Variants in TMCO5A observed in about 807,000 individuals in gnomAD.
The protein encoded by TMCO5A is transmembrane and coiled-coil domain-containing protein 5A.
In TMCO5A, 34 loss-of-function variants were observed where a neutral mutation model predicts 42.3. The ratio of observed to expected loss-of-function variants is 0.80; its 90% CI spans 0.61 to 1.07. TMCO5A has a LOEUF of 1.07. TMCO5A is among the 50% of genes least tolerant of loss of function. The pLI, the probability that TMCO5A is intolerant of heterozygous loss-of-function variation, is 0.00. For missense variants in TMCO5A, 357 were observed against 327.9 expected, an observed-to-expected ratio of 1.09 and a Z score of -0.69; for synonymous variants, 131 against 115.6, an observed-to-expected ratio of 1.13 and a Z score of -0.86.
the TMCO5A span, among the ~76,000 whole-genome samples, chr15:37,991,979 A>C: frequency 6.6e-6 from 1 of 152,220 alleles, no homozygotes; most frequent in Non-Finnish European, 1.5e-5. Context: ...CTCCAAAAGC[A>C]ATTGCAGCAA....
Position 37,936,348 on chromosome 15 carries a change from T to C in TMCO5A, c.25T>C (p.Ser9Pro). 1 of 1,612,486 alleles carries C rather than the reference T, an allele frequency of 6.2e-7. No individual in the cohort carries two copies. The highest frequency in any genetic ancestry group is 8.5e-7 in the Non-Finnish European group (1 of 1,179,250). ...AATGGAAATCTCAAGATTGGCTCAGTCAAAAAGAAACATTATCAGTTTGAA... is the reference window on the plus strand; with the variant it reads ...AATGGAAATCTCAAGATTGGCTCAGCCAAAAAGAAACATTATCAGTTTGAA... MEISRLAQ[S>P]KRNIISLNMD... is the part of the protein sequence containing the mutation. Residue 9 changes from serine to proline, a missense_variant, in exon 3 of 12, where the codon TCA becomes CCA. Physicochemically the swap from Ser to Pro is moderately conservative, Grantham distance 74 (BLOSUM62 -1). Transcript: ENST00000319669.
At chr15:37,942,140 A>G (rs1213137793) in intron 8 of TMCO5A, 51 bp from the exon 9 acceptor site, 2 of 1,554,542 alleles carry the variant, frequency 1.3e-6, no homozygotes. Flanking sequence ...GCTTAGAAAA[A>G]TTGTAAACCT....
the TMCO5A span, among the ~76,000 whole-genome samples, chr15:38,004,274 T>C: frequency 6.6e-6 from 1 of 151,844 alleles, no homozygotes; most frequent in African/African-American, 2.4e-5. Context: ...TGAGTGGATA[T>C]CCAAGTTCCA....
chr15:38,031,062 T>C, the TMCO5A span, among the ~76,000 whole-genome samples: 26,353 of 152,076 alleles, frequency 0.17, 2,569 homozygotes, highest in Middle Eastern at 0.28. Flanking sequence ...ATATCAAAGC[T>C]CCACCATAAA....
chr15:38,017,056 A>G, the TMCO5A span, among the ~76,000 whole-genome samples: 3 of 152,126 alleles, frequency 2.0e-5, no homozygotes, highest in African/African-American at 7.2e-5. Flanking sequence ...TCTTCCACTG[A>G]AGATAGTGGA....
At chr15:37,990,025 A>C in the TMCO5A span, among the ~76,000 whole-genome samples, 4 of 152,098 alleles carry the variant, frequency 2.6e-5, no homozygotes, top group African/African-American at 9.7e-5. Flanking sequence ...AAATCTATTG[A>C]GACTTAATTT....
At chr15:37,946,698 GC>G (rs1889974220) in intron 10 of TMCO5A, among the ~76,000 whole-genome samples, 1 of 152,038 alleles carries the variant, frequency 6.6e-6, no homozygotes, top group South Asian at 2.1e-4. Flanking sequence ...TGTGACTTCT[GC>G]ACATTGAATT....
At chr15:37,950,138 C>T (rs947112452) in intron 11 of TMCO5A, among the ~76,000 whole-genome samples, 1 of 152,182 alleles carries the variant, frequency 6.6e-6, no homozygotes, top group African/African-American at 2.4e-5. Context: ...GTGACTTTCA[C>T]CATATTCCAT....
the TMCO5A span, among the ~76,000 whole-genome samples, chr15:37,978,405 G>A: frequency 6.6e-6 from 1 of 152,350 alleles, no homozygotes; most frequent in Non-Finnish European, 1.5e-5. Flanking sequence ...CAGTGGGAAT[G>A]CGCAGTCAGG....
chr15:37,992,696 G>A, the TMCO5A span, among the ~76,000 whole-genome samples: 5 of 152,228 alleles, frequency 3.3e-5, no homozygotes, highest in African/African-American at 1.2e-4. Context: ...GTTCTTTGAA[G>A]GAACATGGAT....
chr15:38,004,783 C>T, the TMCO5A span: 2 of 152,220 alleles, frequency 1.3e-5, no homozygotes, highest in Non-Finnish European at 2.9e-5. Context: ...TCGAAGCTGT[C>T]TTTCCTACCC....
the TMCO5A span, among the ~76,000 whole-genome samples, chr15:38,008,483 C>T: frequency 5.9e-5 from 9 of 152,200 alleles, no homozygotes; most frequent in African/African-American, 1.4e-4. Flanking sequence ...TCTAGAACTC[C>T]TTCATTCATA....
chr15:38,023,736 A>T, the TMCO5A span, among the ~76,000 whole-genome samples: 2 of 152,248 alleles, frequency 1.3e-5, no homozygotes, highest in African/African-American at 4.8e-5. Flanking sequence ...GAGAGAAAAG[A>T]TTGATCTCTA....
intron 11 of TMCO5A, among the ~76,000 whole-genome samples, chr15:37,950,237 A>G (rs1566919936): frequency 1.3e-5 from 2 of 150,166 alleles, no homozygotes; most frequent in Admixed American, 6.7e-5. Context: ...CTGTAGACAT[A>G]TTTTTAAACT....
At chr15:37,939,421 C>A (rs1889649510) in intron 6 of TMCO5A, among the ~76,000 whole-genome samples, 1 of 152,034 alleles carries the variant, frequency 6.6e-6, no homozygotes, top group Non-Finnish European at 1.5e-5. Flanking sequence ...TTAGGAAGAG[C>A]TATAAAGACC....
At chr15:38,028,946 G>GA in the TMCO5A span, among the ~76,000 whole-genome samples, 3 of 152,212 alleles carry the variant, frequency 2.0e-5, no homozygotes, top group Admixed American at 6.5e-5. Context: ...AAGAAAGTCA[G>GA]AAAAAATCAT....
At chr15:38,008,185 G>T in the TMCO5A span, among the ~76,000 whole-genome samples, 12 of 151,374 alleles carry the variant, frequency 7.9e-5, 1 homozygote, top group Admixed American at 2.6e-4. Context: ...GTGAGCCACC[G>T]TGCCCAGCCA....
At chr15:37,966,369 ATAAC>A (rs1302238771) in intron 11 of TMCO5A, among the ~76,000 whole-genome samples, 1 of 152,154 alleles carries the variant, frequency 6.6e-6, no homozygotes, top group Non-Finnish European at 1.5e-5. Flanking sequence ...ACATTTTTGA[ATAAC>A]TAAGTATAAT....
chr15:38,033,430 C>T, the TMCO5A span, among the ~76,000 whole-genome samples: 1 of 152,100 alleles, frequency 6.6e-6, no homozygotes, highest in African/African-American at 2.4e-5. Context: ...TCTCATGTTA[C>T]AGTTAAAGAA....
Sources: gnomAD v4.1 joint callset for allele counts (sites outside exome capture counted in the v4.1 genomes callset) on GRCh38, gnomAD v4.1.1 for gene constraint, MANE v1.5 for transcripts, NCBI Gene and HGNC (gene_info 2026-07-23, HGNC 2026-07-21) for gene names.